RYK: variants seen among roughly 807,000 people sequenced by gnomAD.
The protein encoded by RYK is inactive tyrosine-protein kinase RYK.
Under a neutral mutation model 70.2 loss-of-function variants are expected in RYK, and 21 were observed. The observed-to-expected ratio is 0.30, with a 90% CI of 0.21 to 0.43. The LOEUF (loss-of-function observed/expected upper bound fraction) is 0.43. RYK is among the 20% of genes least tolerant of loss of function. RYK has a pLI of 1.00. For synonymous variants in RYK, 267 were observed against 278.0 expected, an observed-to-expected ratio of 0.96 and a Z score of 0.39; for missense variants, 604 against 753.3, an observed-to-expected ratio of 0.80 and a Z score of 2.32.
intron 2 of RYK, among the ~76,000 whole-genome samples, chr3:134,221,665 T>G (rs1212069197): frequency 6.6e-6 from 1 of 151,814 alleles, no homozygotes; most frequent in Non-Finnish European, 1.5e-5. Context: ...TCTATAATAC[T>G]TTTTTTAAAA....
intron 7 of RYK, 44 bp downstream of exon 7, chr3:134,195,038 A>G: frequency 1.5e-6 from 2 of 1,348,390 alleles, no homozygotes; most frequent in Non-Finnish European, 2.1e-6. Flanking sequence ...GAAGCAGCAT[A>G]GACAACTTGA....
chr3:134,230,577 T>C (rs1256097165), intron 1 of RYK, among the ~76,000 whole-genome samples: 1 of 152,232 alleles, frequency 6.6e-6, no homozygotes, highest in African/African-American at 2.4e-5. Context: ...GAGTATATAC[T>C]AATATTTCCA....
In RYK at chr3:134,207,485, A is replaced by G; in HGVS notation, c.630T>C (p.Thr210=). 1 of 1,540,242 alleles carries G rather than the reference A, an allele frequency of 6.5e-7. No individual in the cohort carries two copies. The highest frequency in any genetic ancestry group is 8.8e-7 in the Non-Finnish European group (1 of 1,139,194). The change falls in exon 5 of 15, where the codon ACT becomes ACC. Residue 210 remains threonine (T), a synonymous_variant. Transcript: ENST00000623711. ...AGTAACACTTACAAATAGTTCTGCTAGTGTTTTTGTCCAAGGCTGAAGTTT... is the reference window on the plus strand; with the variant it reads ...AGTAACACTTACAAATAGTTCTGCTGGTGTTTTTGTCCAAGGCTGAAGTTT... ...EVKTSALDKN[T]SRTIYDPVHA...
At chr3:134,188,742 C>A in intron 9 of RYK, 95 bp downstream of exon 9, 1 of 725,470 alleles carries the variant, frequency 1.4e-6, no homozygotes, top group Non-Finnish European at 2.4e-6. Context: ...TTTAAAAGGT[C>A]TGGCACACAT....
rs2013160833 is a variant in RYK, at chr3:134,177,841, GCCTCTAA to G, written c.1305+93_1305+99del. The G allele has an allele frequency of 3.1e-6, 3 of 966,744 alleles. No homozygotes were observed. In the African/African-American group the frequency reaches 5.0e-5, roughly 16 times the overall value. The allele number at this position is 966,744 out of a possible 1,614,324, so 59.9% of individuals were successfully genotyped here. A position where few individuals can be genotyped will look rare whatever the true frequency, so the allele number is the denominator to read the frequency against. ...TTCATTTTGAGGTTCTTTTTTGCAG[GCCTCTAA>G]ACAGTTTATATTTAAGAATGTTAAT... On this transcript the variant is annotated intron_variant, in intron 11 of 14. Coordinates refer to ENST00000623711, the MANE Select transcript of RYK (RefSeq NM_002958.4).
chr3:134,172,767 T>C (rs1250667231), intron 13 of RYK, among the ~76,000 whole-genome samples: 1 of 152,226 alleles, frequency 6.6e-6, no homozygotes, highest in East Asian at 1.9e-4. Context: ...GAGAGATTTT[T>C]TCTTTATCAT....
intron 1 of RYK, among the ~76,000 whole-genome samples, chr3:134,233,205 A>G (rs998056162): frequency 5.3e-5 from 8 of 152,224 alleles, no homozygotes; most frequent in South Asian, 2.1e-4. Context: ...CAAGGTACCA[A>G]TTATGCTTTT....
rs574825808 is a variant in RYK at position 134,237,731 on chromosome 3, T to C, written c.232+12692A>G. ...AACAAAAAAGTTAAACCAGATGATG[T>C]TAATGTCCCTCTCCTCAGCCGCAAA... On this transcript the variant is annotated intron_variant, in intron 1 of 14. Transcript: ENST00000623711. 3.3e-5 allele frequency among the ~76,000 whole-genome samples: 5 copies of C among 152,326 alleles called. No homozygotes were observed. In the East Asian group the frequency reaches 9.6e-4, roughly 29 times the overall value.
At chr3:134,242,599 T>C (rs2015352929) in intron 1 of RYK, among the ~76,000 whole-genome samples, 1 of 152,238 alleles carries the variant, frequency 6.6e-6, no homozygotes, top group South Asian at 2.1e-4. Context: ...TTTGTTTTGC[T>C]TTAGGATGTG....
chr3:134,188,943 T>C lies in RYK; in HGVS notation c.1016-20A>G, dbSNP rs2013557940. The stretch of plus-strand genomic sequence containing the variant: ...AAGTACCTAAAAGGAAAAGTAATAA[T>C]TAATGAGATCATACAACATTCATAA... On this transcript the variant is annotated intron_variant, in intron 8 of 14. Coordinates refer to ENST00000623711, the MANE Select transcript of RYK (RefSeq NM_002958.4). 1 of 1,338,406 alleles carries C rather than the reference T, an allele frequency of 7.5e-7. No individual in the cohort carries two copies. Among genetic ancestry groups the C allele is most frequent in the Non-Finnish European group, 1.1e-6 (1 of 946,910 alleles). 82.9% of individuals were successfully genotyped at this position (1,338,406 alleles called of 1,614,324 possible). A position where few individuals can be genotyped will look rare whatever the true frequency, so the allele number is the denominator to read the frequency against.
intron 13 of RYK, 129 bp downstream of exon 13, chr3:134,175,480 T>C (rs2013066046): frequency 5.5e-6 from 6 of 1,091,078 alleles, no homozygotes; most frequent in Non-Finnish European, 8.0e-6. Context: ...TTACACTTGC[T>C]TTCTGGATAA....
At chr3:134,192,465 T>C (rs2013675670) in intron 7 of RYK, among the ~76,000 whole-genome samples, 2 of 148,236 alleles carry the variant, frequency 1.3e-5, no homozygotes, top group Non-Finnish European at 2.9e-5. Context: ...CAGAAAGTTA[T>C]TTTTGTTTGA....
At chr3:134,189,392 C>T (rs772261596) in intron 8 of RYK, among the ~76,000 whole-genome samples, 1 of 152,126 alleles carries the variant, frequency 6.6e-6, no homozygotes, top group Non-Finnish European at 1.5e-5. Flanking sequence ...ATTCCTTCTA[C>T]CACTCACTCC....
At chr3:134,195,234 T>C (rs143350892) in intron 6 of RYK, 52 bp from the exon 7 acceptor site, 2 of 1,352,866 alleles carry the variant, frequency 1.5e-6, no homozygotes, top group East Asian at 2.3e-5. Context: ...CAATGAGAAA[T>C]TTCCTTTTTC....
At chr3:134,185,403 C>T (rs1171669392) in intron 9 of RYK, among the ~76,000 whole-genome samples, 7 of 152,186 alleles carry the variant, frequency 4.6e-5, no homozygotes, top group East Asian at 1.9e-4. Flanking sequence ...TGCTTCACTT[C>T]GTCTTGCTTC....
rs562497068 is a variant in RYK, at chr3:134,212,008, G to A, written c.355-401C>T. Among the ~76,000 whole-genome samples, 94 of 152,306 alleles carry A rather than the reference G, an allele frequency of 6.2e-4. No homozygotes were observed. In the Middle Eastern group the frequency reaches 0.014, roughly 22 times the overall value. On this transcript the variant is annotated intron_variant, in intron 2 of 14. Coordinates refer to ENST00000623711, the MANE Select transcript of RYK (RefSeq NM_002958.4). ...TGGTTGATAAATGAAAGCCAAGCTC[G>A]GAGGGCCTCCTTGTGGCTGGTGGAG...
chr3:134,205,129 T>A (rs1264291180), intron 5 of RYK, among the ~76,000 whole-genome samples: 4 of 152,050 alleles, frequency 2.6e-5, no homozygotes, highest in Non-Finnish European at 5.9e-5. Context: ...AAGATAAAAA[T>A]AAGCAGGTTG....
At chr3:134,172,897 G>T (rs1287000339) in intron 13 of RYK, among the ~76,000 whole-genome samples, 1 of 152,054 alleles carries the variant, frequency 6.6e-6, no homozygotes, top group Non-Finnish European at 1.5e-5. Context: ...CACCCACCAT[G>T]CCCGATGCCT....
chr3:134,174,507 A>T (rs2013029762), intron 13 of RYK, among the ~76,000 whole-genome samples: 1 of 152,240 alleles, frequency 6.6e-6, no homozygotes, highest in Admixed American at 6.5e-5. Flanking sequence ...CCCAATTCTT[A>T]CAGTTGAAGC....
Sources: allele counts gnomAD v4.1 joint callset (sites outside exome capture counted in the v4.1 genomes callset), GRCh38; gene constraint gnomAD v4.1.1; transcripts MANE v1.5; gene names NCBI Gene and HGNC (gene_info 2026-07-23, HGNC 2026-07-21).